KANSL3: variants seen among roughly 807,000 people sequenced by gnomAD.
The protein encoded by KANSL3 is KAT8 regulatory NSL complex subunit 3, also known as NSL complex protein NSL3.
In KANSL3, 16 loss-of-function variants were observed where a neutral mutation model predicts 89.2. The ratio of observed to expected loss-of-function variants is 0.18; its 90% CI spans 0.12 to 0.27. The LOEUF (loss-of-function observed/expected upper bound fraction) is 0.27. Among genes scored for constraint, KANSL3 ranks in the 10% least tolerant of loss-of-function variants. The pLI is 1.00. For missense variants in KANSL3, 879 were observed against 1,110.6 expected, an observed-to-expected ratio of 0.79 and a Z score of 2.96; for synonymous variants, 385 against 419.7, an observed-to-expected ratio of 0.92 and a Z score of 1.01.
chr2:96,618,921 C>T (rs947993631), intron 5 of KANSL3, among the ~76,000 whole-genome samples: 1 of 152,260 alleles, frequency 6.6e-6, no homozygotes, highest in Non-Finnish European at 1.5e-5. Context: ...AGTGTTGCTA[C>T]TAAAGGCTCA....
rs752272979 is a variant in KANSL3 at position 96,631,409 on chromosome 2, G to T, written c.289C>A (p.Arg97Ser). The change falls in exon 3 of 21, where the codon CGC becomes AGC. Residue 97 changes from arginine (R) to serine (S), a missense_variant. Arg to Ser is a moderately radical substitution (Grantham distance 110, BLOSUM62 -1). Coordinates refer to ENST00000431828, the MANE Select transcript of KANSL3 (RefSeq NM_001115016.3). ...CGTTCACACTCATTCATCACGCTGC[G>T]TGCCTTCTGATTGTCATAGAGTGGC... Reference protein sequence around the residue: ...PMPLYDNQKARSVMNECERHV... With the variant: ...PMPLYDNQKASSVMNECERHV... The T allele has an allele frequency of 6.2e-7, 1 of 1,604,716 alleles. No homozygotes were observed. Among genetic ancestry groups the T allele is most frequent in the Admixed American group, 1.7e-5 (1 of 58,524 alleles).
the KANSL3 span, among the ~76,000 whole-genome samples, chr2:96,582,176 G>A: frequency 6.6e-6 from 1 of 152,102 alleles, no homozygotes; most frequent in Non-Finnish European, 1.5e-5. Flanking sequence ...GATGACTTGA[G>A]GCCAGGAGTT....
intron 19 of KANSL3, 63 bp from the exon 20 acceptor site, chr2:96,601,839 C>A (rs2067228797): frequency 1.3e-6 from 2 of 1,489,224 alleles, no homozygotes. Context: ...CTGAGGCTTT[C>A]CTTTCCTGGA....
chr2:96,638,272 G>T lies in KANSL3; in HGVS notation c.-51+11C>A, dbSNP rs1306726750. The T allele has an allele frequency of 2.0e-5, 3 of 152,282 alleles. No homozygotes were observed. The highest frequency in any genetic ancestry group is 4.1e-4 in the South Asian group (2 of 4,836). The allele number at this position is 152,282 out of a possible 1,614,324, so 9.4% of individuals were successfully genotyped here. ...GCCCGCCACTCCCCTCGAAGCCAAC[G>T]CTGCTCTCACCCGCGGTCTTACGGC... On this transcript the variant is annotated intron_variant, in intron 1 of 20. Transcript: ENST00000431828.
At chr2:96,599,045 C>G (rs1045459449) in intron 20 of KANSL3, among the ~76,000 whole-genome samples, 1 of 148,236 alleles carries the variant, frequency 6.7e-6, no homozygotes, top group African/African-American at 2.5e-5. Flanking sequence ...AAACTAGAAA[C>G]AGAATTGACA....
chr2:96,631,081 G>A (rs2073301837), intron 3 of KANSL3, among the ~76,000 whole-genome samples: 2 of 152,194 alleles, frequency 1.3e-5, no homozygotes, highest in South Asian at 2.1e-4. Context: ...TATGCCTACT[G>A]TGTGCCAGAC....
chr2:96,601,856 C>T (rs2067230992), intron 19 of KANSL3, 80 bp from the exon 20 acceptor site: 10 of 1,469,238 alleles, frequency 6.8e-6, no homozygotes, highest in Non-Finnish European at 9.0e-6. Flanking sequence ...TGGAGAGCTT[C>T]TCCCCCACAT....
intron 20 of KANSL3, among the ~76,000 whole-genome samples, chr2:96,598,982 G>A (rs1279688904): frequency 6.7e-6 from 1 of 150,064 alleles, no homozygotes; most frequent in Non-Finnish European, 1.5e-5. Context: ...AAAGAATAAT[G>A]GAAAAAATTC....
intron 20 of KANSL3, among the ~76,000 whole-genome samples, chr2:96,598,908 CAAAAAAAAAAA>C (rs10551331): frequency 2.2e-4 from 10 of 44,954 alleles, no homozygotes; most frequent in African/African-American, 6.7e-4. Context: ...GAGACTGTCT[CAAAAAAAAAAA>C]AAAAAAAAAA....
At chr2:96,599,335 T>C (rs1267660306) in intron 20 of KANSL3, among the ~76,000 whole-genome samples, 2 of 152,214 alleles carry the variant, frequency 1.3e-5, no homozygotes, top group Non-Finnish European at 2.9e-5. Context: ...TGGAGATGGA[T>C]GGTGGTGATG....
rs1395343173 is a variant in KANSL3 at position 96,593,906 on chromosome 2, CT to C, written c.*1704del. On this transcript the variant is annotated 3_prime_UTR_variant, in exon 21 of 21. Coordinates refer to ENST00000431828, the MANE Select transcript of KANSL3 (RefSeq NM_001115016.3). ...CTTCCTCAAGTTTACTAAATACTTT[CT>C]GAATTTAAGAATTTTGAGAAAGTCA... 1 of 152,440 alleles carries C rather than the reference CT, an allele frequency of 6.6e-6. No individual in the cohort carries two copies. Among genetic ancestry groups the C allele is most frequent in the Non-Finnish European group, 1.5e-5 (1 of 68,204 alleles). 9.4% of individuals were successfully genotyped at this position (152,440 alleles called of 1,614,324 possible).
Position 96,611,198 on chromosome 2 carries a change from C to G in KANSL3, c.1087-60G>C, listed in dbSNP as rs954189773. ...CTGAGTTCATGGCACCTCAGCCTACCCAGAATCCAGGAGTGGTCCAGACCC... is the reference window on the plus strand; with the variant it reads ...CTGAGTTCATGGCACCTCAGCCTACGCAGAATCCAGGAGTGGTCCAGACCC... On this transcript the variant is annotated intron_variant, in intron 9 of 20. Coordinates refer to ENST00000431828, the MANE Select transcript of KANSL3 (RefSeq NM_001115016.3). The G allele has an allele frequency of 2.1e-6, 3 of 1,449,672 alleles. No individual in the cohort carries two copies. In the East Asian group the frequency reaches 6.8e-5, roughly 33 times the overall value. 89.8% of individuals were successfully genotyped at this position (1,449,672 alleles called of 1,614,324 possible). A position where few individuals can be genotyped will look rare whatever the true frequency, so the allele number is the denominator to read the frequency against.
chr2:96,614,871 A>G (rs1217202460), intron 5 of KANSL3, among the ~76,000 whole-genome samples: 1 of 151,810 alleles, frequency 6.6e-6, no homozygotes. Context: ...GCACACCAAC[A>G]TGGCACACGT....
chr2:96,608,919 C>A lies in KANSL3; in HGVS notation c.1529G>T (p.Gly510Val), dbSNP rs1204050624. The change falls in exon 13 of 21, where the codon GGC becomes GTC. Residue 510 changes from glycine (G) to valine (V), a missense_variant. Around this residue, in one of 6 missense-constraint regions of KANSL3, gnomAD observed 317 missense variants for 311.2 expected, o/e 1.02. Transcript: ENST00000431828. The stretch of plus-strand genomic sequence containing the variant: ...GGCAGCTGGGGAGGCAGGTCGACTG[C>A]CCCGCTCAGGGACTTCAAAGGCCAA... The part of the protein sequence containing the change: ...RDLAFEVPER[G>V]SRPASPAAKL... 1.9e-6 allele frequency: 3 copies of A among 1,571,614 alleles called. No homozygotes were observed. Among genetic ancestry groups the A allele is most frequent in the Non-Finnish European group, 2.6e-6 (3 of 1,158,464 alleles).
Position 96,601,663 on chromosome 2 carries a change from C to G in KANSL3, c.2596G>C (p.Val866Leu), listed in dbSNP as rs764053982. 4 of 1,613,478 alleles carry G rather than the reference C, an allele frequency of 2.5e-6. No individual in the cohort carries two copies. The highest frequency in any genetic ancestry group is 3.4e-6 in the Non-Finnish European group (4 of 1,179,728). Residue 866 changes from valine to leucine, a missense_variant, in exon 20 of 21, where the codon GTG (valine) becomes CTG (leucine). This residue lies in a region of KANSL3 where 61 missense variants were observed against 61.7 expected (regional missense o/e 0.99). Coordinates refer to ENST00000431828, the MANE Select transcript of KANSL3 (RefSeq NM_001115016.3). ...AAPSEESSSQ[V>L]LPSSSQRLPP... ...CTCACCTGTGAGCTGGAGGGCAGCACCTGGGAAGAGGACTCCTCGGATGGG... is the reference window on the plus strand; with the variant it reads ...CTCACCTGTGAGCTGGAGGGCAGCAGCTGGGAAGAGGACTCCTCGGATGGG...
At chr2:96,602,002 G>T in intron 19 of KANSL3, 114 bp downstream of exon 19, 3 of 1,207,792 alleles carry the variant, frequency 2.5e-6, no homozygotes, top group Non-Finnish European at 3.4e-6. Flanking sequence ...AAAGGTCAAT[G>T]CCAGGACCCT....
Position 96,611,149 on chromosome 2 carries a change from C to T in KANSL3, c.1087-11G>A. The T allele has an allele frequency of 1.2e-6, 2 of 1,612,910 alleles. No homozygotes were observed. The highest frequency in any genetic ancestry group is 1.7e-6 in the Non-Finnish European group (2 of 1,178,888). The stretch of plus-strand genomic sequence containing the variant: ...CTCCATTACTGACACCTGTAAATAA[C>T]AGAACAGTTTGTCTAAACGTCAACT... On this transcript the variant is annotated splice_polypyrimidine_tract_variant and intron_variant, in intron 9 of 20. Coordinates refer to ENST00000431828, the MANE Select transcript of KANSL3 (RefSeq NM_001115016.3).
chr2:96,609,640 T>C, intron 11 of KANSL3, 78 bp from the exon 12 acceptor site: 1 of 1,370,294 alleles, frequency 7.3e-7, no homozygotes, highest in Non-Finnish European at 1.0e-6. Context: ...GTATTTCTTT[T>C]CTGGGTTGTT....
At chr2:96,601,235 T>C in intron 20 of KANSL3, 1 of 857,370 alleles carries the variant, frequency 1.2e-6, no homozygotes, top group Middle Eastern at 6.0e-4. Context: ...ACCCCTGCAC[T>C]CCAGCTTGGG....
Sources: allele counts gnomAD v4.1 joint callset (sites outside exome capture counted in the v4.1 genomes callset), GRCh38; gene constraint gnomAD v4.1.1; regional missense constraint gnomAD v4.1.1; transcripts MANE v1.5; gene names NCBI Gene and HGNC (gene_info 2026-07-23, HGNC 2026-07-21).